CD300LF: variants seen among roughly 807,000 people sequenced by gnomAD.
The protein encoded by CD300LF is CMRF35-like molecule 1.
In CD300LF, 27 loss-of-function variants were observed where a neutral mutation model predicts 32.2. The ratio of observed to expected loss-of-function variants is 0.84; its 90% CI spans 0.62 to 1.15. The LOEUF is 1.15. Among genes scored for constraint, CD300LF ranks in the 50% most tolerant of loss-of-function variants. CD300LF has a pLI of 0.00. For missense variants in CD300LF, 348 were observed against 356.8 expected (o/e 0.98, Z 0.20); for synonymous variants, 139 against 143.2 (o/e 0.97, Z 0.21).
chr17:74,706,560 C>T (rs1395364875), intron 1 of CD300LF, among the ~76,000 whole-genome samples: 2 of 151,938 alleles, frequency 1.3e-5, no homozygotes, highest in Non-Finnish European at 2.9e-5. Flanking sequence ...CCCAGCTACT[C>T]GGGAGGCTGA....
chr17:74,705,222 T>C (rs2033410885), intron 1 of CD300LF: 2 of 702,506 alleles, frequency 2.8e-6, no homozygotes, highest in East Asian at 2.7e-5. Flanking sequence ...TTAGCACTGA[T>C]GACCCTCATG....
At chr17:74,706,110 G>A (rs1004377450) in intron 1 of CD300LF, among the ~76,000 whole-genome samples, 1 of 152,030 alleles carries the variant, frequency 6.6e-6, no homozygotes, top group Non-Finnish European at 1.5e-5. Flanking sequence ...ACAAAACAGA[G>A]GAGGGAAGGG....
At chr17:74,696,326 G>T in intron 4 of CD300LF, 109 bp from the exon 5 acceptor site, 2 of 1,204,758 alleles carry the variant, frequency 1.7e-6, no homozygotes, top group Non-Finnish European at 2.3e-6. Flanking sequence ...ATTGGGTCCA[G>T]GCTCAGAGAC....
intron 1 of CD300LF, among the ~76,000 whole-genome samples, chr17:74,709,578 G>T (rs967561309): frequency 9.4e-5 from 14 of 148,824 alleles, no homozygotes; most frequent in African/African-American, 3.5e-4. Flanking sequence ...TTTTTTTTTT[G>T]AGATGGAGTC....
chr17:74,701,796 G>A (rs2033069508), intron 3 of CD300LF, among the ~76,000 whole-genome samples: 1 of 149,530 alleles, frequency 6.7e-6, no homozygotes, highest in African/African-American at 2.5e-5. Context: ...GTTGCAGTGA[G>A]CTGAGATTAT....
At chr17:74,708,345 AAAG>A (rs1436041131) in intron 1 of CD300LF, among the ~76,000 whole-genome samples, 1 of 152,188 alleles carries the variant, frequency 6.6e-6, no homozygotes, top group Non-Finnish European at 1.5e-5. Context: ...CCAAACACGT[AAAG>A]AAGAAATAAT....
At chr17:74,709,007 G>A (rs1403596158) in intron 1 of CD300LF, among the ~76,000 whole-genome samples, 3 of 151,038 alleles carry the variant, frequency 2.0e-5, no homozygotes, top group African/African-American at 4.9e-5. Context: ...GGCAGATCAC[G>A]AGGCCAAGAG....
At chr17:74,706,886 G>A (rs1437852776) in intron 1 of CD300LF, among the ~76,000 whole-genome samples, 2 of 152,174 alleles carry the variant, frequency 1.3e-5, no homozygotes, top group South Asian at 2.1e-4. Flanking sequence ...ACACAATGGG[G>A]AAAGGACAGT....
intron 3 of CD300LF, among the ~76,000 whole-genome samples, chr17:74,701,095 G>A (rs956764587): frequency 1.3e-5 from 2 of 152,220 alleles, no homozygotes; most frequent in Middle Eastern, 3.2e-3. Context: ...CTCCAGAATT[G>A]TGAGAAAATA....
At chr17:74,706,273 G>GAA (rs144675318) in intron 1 of CD300LF, among the ~76,000 whole-genome samples, 33 of 137,552 alleles carry the variant, frequency 2.4e-4, no homozygotes, top group African/African-American at 7.6e-4. Flanking sequence ...CATTTTAAAG[G>GAA]AAAAAAAAAA....
chr17:74,708,904 A>C (rs1400106054), intron 1 of CD300LF, among the ~76,000 whole-genome samples: 1 of 148,458 alleles, frequency 6.7e-6, no homozygotes, highest in Non-Finnish European at 1.5e-5. Context: ...CGACAGAGCA[A>C]GACTCCGTCT....
In CD300LF at chr17:74,695,736, A is replaced by G; in HGVS notation, c.706T>C (p.Tyr236His). ...CATGGAGGACGCACCATGGTGACAT[A>G]TTCCACTTCCACCTGGTCAACCTGG... The part of the protein sequence containing the change: ...SAQVDQVEVE[Y>H]VTMASLPKED... The change falls in exon 6 of 7, where the codon TAT becomes CAT. Residue 236 changes from tyrosine to histidine, a missense_variant. Coordinates refer to ENST00000326165, the MANE Select transcript of CD300LF (RefSeq NM_139018.5). 5 of 1,614,102 alleles carry G rather than the reference A, an allele frequency of 3.1e-6. No individual in the cohort carries two copies. The highest frequency in any genetic ancestry group is 4.2e-6 in the Non-Finnish European group (5 of 1,180,004).
chr17:74,698,297 A>G (rs1210401020), intron 4 of CD300LF, 72 bp downstream of exon 4: 1 of 1,037,086 alleles, frequency 9.6e-7, no homozygotes, highest in South Asian at 1.3e-5. Context: ...CCCTTGGACC[A>G]GATAGCTCCC....
In CD300LF at chr17:74,700,815, C is replaced by A. The variant is rs1052551969; in HGVS notation, c.446+2220G>T. Among the ~76,000 whole-genome samples, 6 of 152,202 alleles carry A rather than the reference C, an allele frequency of 3.9e-5. 1 individual carries two copies. Among genetic ancestry groups the A allele is most frequent in the Admixed American group, 1.3e-4 (2 of 15,290 alleles). ...GCTGGATTGTACACCACCACCCCCC[C>A]ACCCCAATCCATATGTTGAAGTCCC... On this transcript the variant is annotated intron_variant, in intron 3 of 6. Transcript: ENST00000326165.
chr17:74,697,825 T>C (rs984688175), intron 4 of CD300LF, among the ~76,000 whole-genome samples: 2 of 152,192 alleles, frequency 1.3e-5, no homozygotes, highest in African/African-American at 4.8e-5. Context: ...GCCATTCCAA[T>C]TTCCTGATCA....
At position 74,698,432 on chromosome 17, in the gene CD300LF, A is replaced by G. The variant is rs201214384; in HGVS notation, c.496T>C (p.Leu166=). 2.8e-5 allele frequency: 45 copies of G among 1,613,950 alleles called. No homozygotes were observed. The highest frequency in any genetic ancestry group is 6.7e-5 in the Admixed American group (4 of 60,000). The change falls in exon 4 of 7, where the codon TTG becomes CTG. Residue 166 remains leucine, a synonymous_variant. Transcript: ENST00000326165. The part of the protein sequence containing the change: ...SVLLPLIFTI[L]LLLLVAASLL... ...GAGGCGGCCACCAAAAGCAGCAGCA[A>G]TATGGTGAAGATGAGGGGCAGGAGG...
chr17:74,702,868 A>G (rs944471247), intron 3 of CD300LF, among the ~76,000 whole-genome samples, 167 bp downstream of exon 3: 5 of 152,238 alleles, frequency 3.3e-5, no homozygotes, highest in African/African-American at 9.6e-5. Flanking sequence ...GACTGAAAGG[A>G]CACCATGTGG....
chr17:74,704,778 C>G lies in CD300LF; in HGVS notation c.82G>C (p.Val28Leu). Residue 28 changes from valine to leucine, a missense_variant, in exon 2 of 7, where the codon GTG (valine) becomes CTG (leucine). Transcript: ENST00000326165. ...AAGGAGCCCCGCTCCAAGCCATTCA[C>G]TGTTGTTGGACCGGTGATTTGAGTG... Reference protein sequence around the residue: ...IVTQITGPTTVNGLERGSLTV... With the variant: ...IVTQITGPTTLNGLERGSLTV... The G allele has an allele frequency of 6.2e-7, 1 of 1,614,080 alleles. No homozygotes were observed. The highest frequency in any genetic ancestry group is 8.5e-7 in the Non-Finnish European group (1 of 1,179,954).
rs761990181 is a variant in CD300LF at position 74,695,776 on chromosome 17, C to G, written c.666G>C (p.Thr222=). 6.2e-7 allele frequency: 1 copy of G among 1,614,048 alleles called. No individual in the cohort carries two copies. Reference sequence around the variant, plus strand: ...GGTCAACCTGGGCAGAGGAAAGCTTCGTGGTAGCCTTTTGCGGGGAGGTTC... The same window carrying G: ...GGTCAACCTGGGCAGAGGAAAGCTTGGTGGTAGCCTTTTGCGGGGAGGTTC... The part of the protein sequence containing the change: ...LAGTSPQKAT[T]KLSSAQVDQV... Residue 222 remains threonine, a synonymous_variant, in exon 6 of 7, where the codon ACG becomes ACC. Transcript: ENST00000326165.
Sources: allele counts gnomAD v4.1 joint callset (sites outside exome capture counted in the v4.1 genomes callset), GRCh38; gene constraint gnomAD v4.1.1; transcripts MANE v1.5; gene names NCBI Gene and HGNC (gene_info 2026-07-23, HGNC 2026-07-21).